The following ZNF521 variants were observed in gnomAD, a reference collection of about 807,000 sequenced individuals.
ZNF521 encodes LYST-interacting protein 3.
Under a neutral mutation model 105.5 loss-of-function variants are expected in ZNF521, and 14 were observed. The observed-to-expected ratio is 0.13, with a 90% confidence interval of 0.09 to 0.21. The LOEUF (loss-of-function observed/expected upper bound fraction) is 0.21. Among genes scored for constraint, ZNF521 ranks in the 10% least tolerant of loss-of-function variants. ZNF521 has a pLI of 1.00. For synonymous variants in ZNF521, 635 were observed against 606.0 expected (o/e 1.05, Z -0.70); for missense variants, 1,233 against 1,629.7 (o/e 0.76, Z 4.19).
intron 5 of ZNF521, among the ~76,000 whole-genome samples, chr18:25,147,807 G>A (rs146672691): frequency 1.4e-4 from 22 of 152,074 alleles, no homozygotes; most frequent in African/African-American, 4.1e-4. Flanking sequence ...ATAATCTTTC[G>A]TGCAGAAAGA....
Position 25,317,139 on chromosome 18 carries a change from G to A in ZNF521, c.220+4869C>T, listed in dbSNP as rs1294907989. ...CCCAAAGTGCTGGGATTACAGACAT[G>A]AGCCACGACGCCCGGCCTCTACTTT... On this transcript the variant is annotated intron_variant, in intron 3 of 7. Transcript: ENST00000361524. 7.9e-5 allele frequency among the ~76,000 whole-genome samples: 12 copies of A among 152,192 alleles called. No homozygotes were observed. In the East Asian group the frequency reaches 2.3e-3, roughly 29 times the overall value.
intron 7 of ZNF521, among the ~76,000 whole-genome samples, chr18:25,079,359 G>C (rs1303285783): frequency 1.3e-5 from 2 of 152,124 alleles, no homozygotes; most frequent in Admixed American, 1.3e-4. Context: ...TCAGGCCATG[G>C]GTCCCTCTTA....
chr18:25,161,712 C>T (rs910503836), intron 5 of ZNF521, among the ~76,000 whole-genome samples: 4 of 152,142 alleles, frequency 2.6e-5, no homozygotes, highest in African/African-American at 7.2e-5. Flanking sequence ...ACTTTTAAAA[C>T]GGCTTGCTGG....
intron 7 of ZNF521, among the ~76,000 whole-genome samples, chr18:25,075,204 T>C (rs1363389753): frequency 2.0e-5 from 3 of 152,164 alleles, no homozygotes; most frequent in Non-Finnish European, 4.4e-5. Context: ...AAGTGGCACT[T>C]ATTCTAATTT....
At chr18:25,065,504 T>C (rs1366215420) in intron 7 of ZNF521, among the ~76,000 whole-genome samples, 2 of 152,162 alleles carry the variant, frequency 1.3e-5, no homozygotes, top group Non-Finnish European at 1.5e-5. Flanking sequence ...ATTATGTATA[T>C]GCAAATATGC....
intron 5 of ZNF521, among the ~76,000 whole-genome samples, chr18:25,159,139 G>C (rs912739009): frequency 2.6e-5 from 4 of 152,144 alleles, no homozygotes; most frequent in African/African-American, 7.2e-5. Flanking sequence ...ACAGTGAAAT[G>C]TAAAGTGCTG....
At chr18:25,233,311 G>A (rs1329661774) in intron 3 of ZNF521, among the ~76,000 whole-genome samples, 4 of 151,690 alleles carry the variant, frequency 2.6e-5, no homozygotes, top group Non-Finnish European at 4.4e-5. Flanking sequence ...TAGAAAAGCT[G>A]TAACTTTAAT....
intron 3 of ZNF521, among the ~76,000 whole-genome samples, chr18:25,240,974 G>C (rs1426118797): frequency 6.8e-6 from 1 of 146,262 alleles, no homozygotes; most frequent in African/African-American, 2.5e-5. Context: ...AAAAAAGTTA[G>C]AGCAAGCAAT....
intron 5 of ZNF521, among the ~76,000 whole-genome samples, chr18:25,153,154 G>A (rs1050527718): frequency 1.3e-5 from 2 of 152,158 alleles, no homozygotes; most frequent in Non-Finnish European, 2.9e-5. Flanking sequence ...TAAGTGGATC[G>A]TAATGCTGTC....
chr18:25,066,134 T>G (rs906487208), intron 7 of ZNF521, among the ~76,000 whole-genome samples: 2 of 152,144 alleles, frequency 1.3e-5, no homozygotes, highest in African/African-American at 2.4e-5. Flanking sequence ...GGTCTCTTAT[T>G]CTCATTTTGT....
chr18:25,248,374 A>C (rs1207213535), intron 3 of ZNF521, among the ~76,000 whole-genome samples: 1 of 152,246 alleles, frequency 6.6e-6, no homozygotes, highest in African/African-American at 2.4e-5. Flanking sequence ...ATGATTCTAC[A>C]TGCTAACCTG....
intron 3 of ZNF521, among the ~76,000 whole-genome samples, chr18:25,250,113 G>C (rs1908011367): frequency 6.6e-6 from 1 of 151,972 alleles, no homozygotes; most frequent in Non-Finnish European, 1.5e-5. Flanking sequence ...TAATTTTTTT[G>C]TATTTTTAGT....
At chr18:25,262,415 C>A (rs1302932954) in intron 3 of ZNF521, among the ~76,000 whole-genome samples, 1 of 152,148 alleles carries the variant, frequency 6.6e-6, no homozygotes, top group African/African-American at 2.4e-5. Flanking sequence ...TACTTGAAGA[C>A]AACACATTAG....
At position 25,226,478 on chromosome 18, in the gene ZNF521, G is replaced by T. The variant is rs756787327; in HGVS notation, c.1440C>A (p.Asn480Lys). 6.2e-7 allele frequency: 1 copy of T among 1,614,096 alleles called. No individual in the cohort carries two copies. Among genetic ancestry groups the T allele is most frequent in the South Asian group, 1.1e-5 (1 of 91,090 alleles). The change falls in exon 4 of 8, where the codon AAC becomes AAA. Residue 480 changes from asparagine to lysine, a missense_variant. Asn to Lys is a moderately conservative substitution (Grantham distance 94). Around this residue, in one of 6 missense-constraint regions of ZNF521, gnomAD observed 380 missense variants for 478.0 expected, o/e 0.80. Coordinates refer to ENST00000361524, the MANE Select transcript of ZNF521 (RefSeq NM_015461.3). This position sits in a 1 kb window ranked among gnomAD's most constrained non-coding sequence, Gnocchi z 4.1. ...SAMPAIVYQCNFCSEVVNDLN... is the reference protein window; with the variant it reads ...SAMPAIVYQCKFCSEVVNDLN... ...GGTCGTTGACAACTTCGGAACAGAAGTTACACTGGTAGACAATGGCAGGCA... is the reference window on the plus strand; with the variant it reads ...GGTCGTTGACAACTTCGGAACAGAATTTACACTGGTAGACAATGGCAGGCA...
intron 7 of ZNF521, among the ~76,000 whole-genome samples, chr18:25,085,014 A>C (rs2033589023): frequency 6.6e-6 from 1 of 152,148 alleles, no homozygotes; most frequent in South Asian, 2.1e-4. Context: ...TATTAGGAAA[A>C]CATGTGAAAC....
chr18:25,250,141 G>C (rs532834318), intron 3 of ZNF521, among the ~76,000 whole-genome samples: 1 of 152,030 alleles, frequency 6.6e-6, no homozygotes, highest in Non-Finnish European at 1.5e-5. Flanking sequence ...GGGTTTCATC[G>C]TATTAGCCAG....
intron 2 of ZNF521, among the ~76,000 whole-genome samples, chr18:25,323,569 G>A (rs1051343578): frequency 3.3e-5 from 5 of 152,058 alleles, no homozygotes; most frequent in Non-Finnish European, 5.9e-5. Context: ...AGCCTCCCAA[G>A]TAGTTGGGAC....
chr18:25,320,817 C>G (rs1028856262), intron 3 of ZNF521, among the ~76,000 whole-genome samples: 1 of 152,100 alleles, frequency 6.6e-6, no homozygotes, highest in African/African-American at 2.4e-5. Context: ...TAAGCAACAT[C>G]AATTCTCAAA....
chr18:25,080,996 A>G (rs1010690187), intron 7 of ZNF521, among the ~76,000 whole-genome samples: 1 of 152,230 alleles, frequency 6.6e-6, no homozygotes, highest in African/African-American at 2.4e-5. Context: ...ACAGTCACAC[A>G]TGCAGTCTTT....
Sources: gnomAD v4.1 joint callset for allele counts (sites outside exome capture counted in the v4.1 genomes callset) on GRCh38, gnomAD v4.1.1 for gene constraint, gnomAD v4.1.1 regional missense constraint, Gnocchi (gnomAD v3.1) non-coding constraint, MANE v1.5 for transcripts, NCBI Gene and HGNC (gene_info 2026-07-23, HGNC 2026-07-21) for gene names.